The following SYNJ1 variants were observed in gnomAD, a reference collection of about 807,000 sequenced individuals.
SYNJ1 encodes the protein polyphosphatidylinositol phosphatase SYNJ1.
SYNJ1 carries 78 observed loss-of-function variants against 168.2 expected under a neutral mutation model. The observed-to-expected ratio is 0.46, with a 90% CI of 0.39 to 0.56. The LOEUF (loss-of-function observed/expected upper bound fraction) is 0.56, where lower values mean the gene tolerates loss of function less well. Ranked by LOEUF, SYNJ1 falls within the 20% of genes least tolerant of loss-of-function variation. The probability of loss-of-function intolerance (pLI) is 0.00; values close to 1 mark genes in which losing one functional copy is unlikely to be tolerated. For synonymous variants in SYNJ1, 539 were observed against 548.6 expected, an observed-to-expected ratio of 0.98 and a Z score of 0.24; for missense variants, 1,303 against 1,597.6, an observed-to-expected ratio of 0.82 and a Z score of 3.14.
chr21:32,668,403 T>G (rs980821580), intron 15 of SYNJ1, among the ~76,000 whole-genome samples: 1 of 152,138 alleles, frequency 6.6e-6, no homozygotes, highest in African/African-American at 2.4e-5. Context: ...AAAGAAGAAT[T>G]TGATTAAACT....
rs1282370368 is a variant in SYNJ1, at chr21:32,645,764, T to C, written c.3273A>G (p.Ala1091=). 2.0e-6 allele frequency: 3 copies of C among 1,468,036 alleles called. No homozygotes were observed. The highest frequency in any genetic ancestry group is 5.0e-5 in the East Asian group (2 of 40,156). 90.9% of individuals were successfully genotyped at this position (1,468,036 alleles called of 1,614,324 possible). ...CGGGGTCTTTCTGCGGCAGCGGCGT[T>C]GCTGGCTGCGCGTCAATAGGAGAAC... ...AQSSPIDAQP[A]TPLPQKDPAQ... is the part of the protein sequence containing the mutation. Residue 1091 remains alanine (A), a synonymous_variant, in exon 25 of 33, where the codon GCA becomes GCG. Transcript: ENST00000674351.
intron 25 of SYNJ1, 137 bp from the exon 26 acceptor site, chr21:32,645,143 A>T: frequency 1.3e-6 from 1 of 749,748 alleles, no homozygotes; most frequent in Non-Finnish European, 2.1e-6. Context: ...TACAAAAACT[A>T]TTATTCAATG....
chr21:32,654,150 A>G (rs1033105201), intron 21 of SYNJ1: 1 of 152,126 alleles, frequency 6.6e-6, no homozygotes, highest in African/African-American at 2.4e-5. Context: ...TTTTTCCACA[A>G]TGAGAGGAAA....
At chr21:32,661,174 A>G (rs2040685874) in intron 18 of SYNJ1, among the ~76,000 whole-genome samples, 1 of 152,112 alleles carries the variant, frequency 6.6e-6, no homozygotes, top group Non-Finnish European at 1.5e-5. Flanking sequence ...CATGCATGAA[A>G]CCACTCTTCT....
intron 9 of SYNJ1, 57 bp downstream of exon 9, chr21:32,685,691 A>G (rs550150576): frequency 1.5e-6 from 2 of 1,324,640 alleles, no homozygotes; most frequent in Admixed American, 2.8e-5. Context: ...TTCAACGTTA[A>G]GAATAATTTT....
At chr21:32,712,908 C>A (rs2146315077) in intron 2 of SYNJ1, among the ~76,000 whole-genome samples, 1 of 152,260 alleles carries the variant, frequency 6.6e-6, no homozygotes, top group Admixed American at 6.5e-5. Context: ...ATACTGTGAT[C>A]CAGCAATTCC....
intron 31 of SYNJ1, among the ~76,000 whole-genome samples, chr21:32,637,851 T>C (rs180843817): frequency 1.2e-3 from 185 of 152,374 alleles, no homozygotes; most frequent in Admixed American, 4.6e-3. Flanking sequence ...AACTGCTAAC[T>C]TTATTCATAT....
chr21:32,643,312 T>G, intron 27 of SYNJ1, 98 bp downstream of exon 27: 2 of 1,251,382 alleles, frequency 1.6e-6, no homozygotes, highest in Non-Finnish European at 2.3e-6. Context: ...CAAGAAAAGA[T>G]TTAGTATGCC....
rs1450861634 is a variant in SYNJ1, at chr21:32,631,634, T to A, written c.*171A>T. On this transcript the variant is annotated 3_prime_UTR_variant, in exon 33 of 33. Transcript: ENST00000674351. ...CAGAACTCAAAACATTACTTTGCGT[T>A]GCAGAAGGCAACTGAATCAACCTCT... The A allele has an allele frequency of 6.2e-7, 1 of 1,614,218 alleles. No individual in the cohort carries two copies. Among genetic ancestry groups the A allele is most frequent in the South Asian group, 1.1e-5 (1 of 91,084 alleles).
chr21:32,636,966 G>A (rs1408806275), intron 31 of SYNJ1, among the ~76,000 whole-genome samples: 1 of 152,132 alleles, frequency 6.6e-6, no homozygotes, highest in African/African-American at 2.4e-5. Flanking sequence ...GCATGTGCCC[G>A]TCGGCCACCA....
intron 2 of SYNJ1, among the ~76,000 whole-genome samples, chr21:32,704,005 G>A (rs1278795538): frequency 3.9e-5 from 6 of 151,978 alleles, no homozygotes; most frequent in African/African-American, 1.4e-4. Context: ...ACAGGCATGG[G>A]CAAAAAACAT....
intron 14 of SYNJ1, chr21:32,670,964 G>C (rs1255929002): frequency 3.8e-6 from 1 of 266,446 alleles, no homozygotes; most frequent in Admixed American, 6.5e-5. Flanking sequence ...AAGCAGCCCA[G>C]GGAGACTTCG....
rs181336434 is a variant in SYNJ1, at chr21:32,717,597, C to G, written c.124+9175G>C. The stretch of plus-strand genomic sequence containing the variant: ...GCAGTATACCCTTTGCAGTACTCAA[C>G]CTAATTCTCCATGCAGGACTTCTCC... On this transcript the variant is annotated intron_variant, in intron 2 of 32. Transcript: ENST00000674351. 1.7e-3 allele frequency among the ~76,000 whole-genome samples: 262 copies of G among 152,300 alleles called. 1 individual carries two copies. The highest frequency in any genetic ancestry group is 7.1e-3 in the Admixed American group (109 of 15,306).
At chr21:32,658,328 G>C (rs1003829883) in intron 18 of SYNJ1, 1 of 153,190 alleles carries the variant, frequency 6.5e-6, no homozygotes, top group African/African-American at 2.4e-5. Flanking sequence ...CAAAGGGACA[G>C]CTTGGCAGCA....
At chr21:32,636,551 C>T (rs146735144) in intron 31 of SYNJ1, among the ~76,000 whole-genome samples, 12 of 152,260 alleles carry the variant, frequency 7.9e-5, no homozygotes, top group East Asian at 7.7e-4. Flanking sequence ...TTAAAAATCT[C>T]ACCATCAGGT....
At chr21:32,725,674 G>A (rs648648) in intron 2 of SYNJ1, among the ~76,000 whole-genome samples, 22,101 of 151,948 alleles carry the variant, frequency 0.15, 1,803 homozygotes, top group African/African-American at 0.21. Flanking sequence ...CATTTATTGA[G>A]GCTGGAGAAA....
chr21:32,715,313 G>C (rs555198449), intron 2 of SYNJ1, among the ~76,000 whole-genome samples: 5 of 152,028 alleles, frequency 3.3e-5, no homozygotes, highest in African/African-American at 1.2e-4. Context: ...CTCTAATAAA[G>C]AGATACAAAA....
intron 2 of SYNJ1, among the ~76,000 whole-genome samples, chr21:32,715,888 C>A (rs2043007364): frequency 6.6e-6 from 1 of 151,866 alleles, no homozygotes; most frequent in African/African-American, 2.4e-5. Flanking sequence ...TAATGAGTAT[C>A]CAACCAAGAA....
chr21:32,662,076 A>T (rs1203660618), intron 18 of SYNJ1, among the ~76,000 whole-genome samples: 1 of 152,152 alleles, frequency 6.6e-6, no homozygotes, highest in Non-Finnish European at 1.5e-5. Context: ...AAGGAATCCC[A>T]GCCTGGATCC....
Sources: gnomAD v4.1 joint callset for allele counts (sites outside exome capture counted in the v4.1 genomes callset) on GRCh38, gnomAD v4.1.1 for gene constraint, MANE v1.5 for transcripts, NCBI Gene and HGNC (gene_info 2026-07-23, HGNC 2026-07-21) for gene names.